The following MIPOL1 variants were observed in gnomAD, a reference collection of about 807,000 sequenced individuals.
The protein encoded by MIPOL1 is mirror-image polydactyly gene 1 protein.
Under a neutral mutation model 60.9 loss-of-function variants are expected in MIPOL1, and 57 were observed. The observed-to-expected ratio is 0.94, with a 90% CI of 0.76 to 1.17. MIPOL1 has a LOEUF of 1.17. MIPOL1 is among the 50% of genes most tolerant of loss of function. The pLI, the probability that MIPOL1 is intolerant of heterozygous loss-of-function variation, is 0.00. For missense variants in MIPOL1, 551 were observed against 511.6 expected (o/e 1.08, Z -0.74); for synonymous variants, 179 against 168.8 (o/e 1.06, Z -0.47).
intron 10 of MIPOL1, among the ~76,000 whole-genome samples, chr14:37,383,125 C>A (rs1307966968): frequency 1.3e-5 from 2 of 151,748 alleles, no homozygotes; most frequent in South Asian, 4.1e-4. Flanking sequence ...ATCTAAATGG[C>A]ATTTATATTA....
chr14:37,236,378 C>T (rs1283649775), intron 1 of MIPOL1, among the ~76,000 whole-genome samples: 3 of 151,992 alleles, frequency 2.0e-5, no homozygotes, highest in Non-Finnish European at 4.4e-5. Flanking sequence ...TCTAATCAAG[C>T]CCCCCTCCCA....
intron 12 of MIPOL1, among the ~76,000 whole-genome samples, chr14:37,544,720 A>G (rs953611479): frequency 1.3e-5 from 2 of 152,236 alleles, no homozygotes; most frequent in African/African-American, 4.8e-5. Flanking sequence ...AGTAATTGAC[A>G]TCTTTCTCAT....
intron 9 of MIPOL1, among the ~76,000 whole-genome samples, chr14:37,336,396 TTATTATTA>T (rs1166499696): frequency 6.7e-6 from 1 of 149,322 alleles, no homozygotes; most frequent in Admixed American, 6.7e-5. Context: ...TATTATATTA[TTATTATTA>T]TATAATGCCC....
chr14:37,223,275 C>T (rs1019010195), intron 1 of MIPOL1, among the ~76,000 whole-genome samples: 2 of 151,724 alleles, frequency 1.3e-5, no homozygotes, highest in African/African-American at 2.4e-5. Flanking sequence ...TTGAGAGATC[C>T]ACCCACCTCG....
chr14:37,320,493 T>A (rs911331626), intron 9 of MIPOL1, among the ~76,000 whole-genome samples: 1 of 152,098 alleles, frequency 6.6e-6, no homozygotes, highest in Non-Finnish European at 1.5e-5. Context: ...CATTATTAAA[T>A]TTTGTTGTTT....
chr14:37,409,092 G>T (rs2093638851), intron 10 of MIPOL1, among the ~76,000 whole-genome samples: 1 of 152,050 alleles, frequency 6.6e-6, no homozygotes, highest in Admixed American at 6.6e-5. Context: ...GCCTCTCTTG[G>T]CTCCCTCATG....
chr14:37,372,963 A>G (rs1415953587), intron 10 of MIPOL1, among the ~76,000 whole-genome samples: 2 of 152,120 alleles, frequency 1.3e-5, no homozygotes, highest in Non-Finnish European at 2.9e-5. Flanking sequence ...ATGTTAAGAA[A>G]TTAGTTTCTG....
chr14:37,464,279 C>T (rs1027158650), intron 11 of MIPOL1, among the ~76,000 whole-genome samples: 9 of 152,134 alleles, frequency 5.9e-5, no homozygotes, highest in African/African-American at 1.9e-4. Context: ...GAAAAAGACA[C>T]CTGCACTTGT....
At chr14:37,293,619 G>C (rs1037927240) in intron 7 of MIPOL1, among the ~76,000 whole-genome samples, 1 of 152,224 alleles carries the variant, frequency 6.6e-6, no homozygotes, top group Non-Finnish European at 1.5e-5. Flanking sequence ...CTAATACTAC[G>C]CTTTTCCAAT....
chr14:37,320,105 G>A (rs2088403451), intron 9 of MIPOL1, among the ~76,000 whole-genome samples: 1 of 152,142 alleles, frequency 6.6e-6, no homozygotes, highest in Non-Finnish European at 1.5e-5. Context: ...TATTATGCAT[G>A]AAGTATTATA....
chr14:37,220,057 G>C (rs192199761), intron 1 of MIPOL1, among the ~76,000 whole-genome samples: 198 of 152,136 alleles, frequency 1.3e-3, no homozygotes, highest in African/African-American at 4.5e-3. Flanking sequence ...TTTTTACTTT[G>C]TGTGCCTTTT....
At chr14:37,316,220 G>A (rs1479173326) in intron 9 of MIPOL1, among the ~76,000 whole-genome samples, 12 of 151,860 alleles carry the variant, frequency 7.9e-5, no homozygotes, top group Non-Finnish European at 1.3e-4. Flanking sequence ...TAGTAGAAAC[G>A]GGGTTTCATC....
At chr14:37,356,015 G>T in intron 9 of MIPOL1, among the ~76,000 whole-genome samples, 1 of 142,704 alleles carries the variant, frequency 7.0e-6, no homozygotes, top group African/African-American at 2.5e-5. Flanking sequence ...TTTCTGTTCT[G>T]TTTTTTCCCC....
intron 1 of MIPOL1, among the ~76,000 whole-genome samples, chr14:37,208,909 C>T (rs920845356): frequency 1.2e-4 from 18 of 152,008 alleles, no homozygotes; most frequent in Admixed American, 2.0e-4. Flanking sequence ...CTACTTCTGG[C>T]GTTATCATTA....
At chr14:37,458,398 C>G (rs757429677) in intron 11 of MIPOL1, among the ~76,000 whole-genome samples, 4 of 152,114 alleles carry the variant, frequency 2.6e-5, no homozygotes, top group Non-Finnish European at 5.9e-5. Flanking sequence ...TCATTTTACA[C>G]AATAGATAAT....
chr14:37,547,682 T>C lies in MIPOL1; in HGVS notation c.*711T>C, dbSNP rs150805999. On this transcript the variant is annotated 3_prime_UTR_variant, in exon 13 of 13. Coordinates refer to ENST00000684589, the MANE Select transcript of MIPOL1 (RefSeq NM_001388067.1). ...TTATAAATTCACATTGTCAGTATTT[T>C]TTAATATTGGGTCTGAATAATTATC... 1.3e-5 allele frequency: 2 copies of C among 152,712 alleles called. No homozygotes were observed. Among genetic ancestry groups the C allele is most frequent in the Non-Finnish European group, 1.5e-5 (1 of 67,978 alleles). 9.5% of individuals were successfully genotyped at this position (152,712 alleles called of 1,614,324 possible).
At chr14:37,266,334 C>T (rs144371091) in intron 3 of MIPOL1, among the ~76,000 whole-genome samples, 64 of 152,264 alleles carry the variant, frequency 4.2e-4, no homozygotes, top group Non-Finnish European at 7.8e-4. Context: ...CTTGACAGCT[C>T]AAAATGCTTA....
chr14:37,200,453 G>C (rs934171685), intron 1 of MIPOL1, among the ~76,000 whole-genome samples: 3 of 152,182 alleles, frequency 2.0e-5, no homozygotes, highest in African/African-American at 7.2e-5. Flanking sequence ...TCCACCAAGA[G>C]GGTGTGAGGG....
intron 10 of MIPOL1, among the ~76,000 whole-genome samples, chr14:37,418,065 A>G (rs2093804110): frequency 2.0e-5 from 3 of 152,172 alleles, no homozygotes; most frequent in Admixed American, 2.0e-4. Flanking sequence ...ATGCTTCTTT[A>G]TTTAGCAGAT....
Sources: allele counts gnomAD v4.1 joint callset (sites outside exome capture counted in the v4.1 genomes callset), GRCh38; gene constraint gnomAD v4.1.1; transcripts MANE v1.5; gene names NCBI Gene and HGNC (gene_info 2026-07-23, HGNC 2026-07-21).